EIF2B3: variants seen among roughly 807,000 people sequenced by gnomAD.
The protein encoded by EIF2B3 is eukaryotic translation initiation factor 2B subunit gamma, also known as translation initiation factor eIF2B subunit gamma.
Under a neutral mutation model 54.1 loss-of-function variants are expected in EIF2B3, and 20 were observed. That is an observed-to-expected ratio of 0.37 (90% CI 0.26 to 0.54). EIF2B3 has a LOEUF of 0.54. Ranked by LOEUF, EIF2B3 falls within the 20% of genes least tolerant of loss-of-function variation. The probability of loss-of-function intolerance (pLI) is 0.86; values close to 1 mark genes in which losing one functional copy is unlikely to be tolerated. For missense variants in EIF2B3, 448 were observed against 547.8 expected, an observed-to-expected ratio of 0.82 and a Z score of 1.82; for synonymous variants, 153 against 188.1, an observed-to-expected ratio of 0.81 and a Z score of 1.52.
chr1:44,897,528 G>T, intron 5 of EIF2B3, 84 bp from the exon 6 acceptor site: 2 of 1,123,510 alleles, frequency 1.8e-6, no homozygotes, highest in Non-Finnish European at 2.6e-6. Context: ...CAGGTAGTAG[G>T]CACTGGTAAG....
chr1:44,892,719 C>T (rs1337483480), intron 6 of EIF2B3, among the ~76,000 whole-genome samples: 1 of 152,196 alleles, frequency 6.6e-6, no homozygotes, highest in African/African-American at 2.4e-5. Flanking sequence ...TCAAAGGAGA[C>T]TACCTTGATT....
chr1:44,912,178 C>T (rs1434442747), intron 5 of EIF2B3, among the ~76,000 whole-genome samples: 3 of 152,118 alleles, frequency 2.0e-5, no homozygotes, highest in Non-Finnish European at 4.4e-5. Context: ...ATGTCTAGGG[C>T]TGCTATCTCT....
intron 10 of EIF2B3, among the ~76,000 whole-genome samples, chr1:44,860,502 A>G (rs1573681674): frequency 1.3e-5 from 2 of 152,172 alleles, no homozygotes; most frequent in Middle Eastern, 3.2e-3. Context: ...CTGATGCACT[A>G]AAAAAGAGCA....
At chr1:44,981,597 G>T (rs904093463) in intron 1 of EIF2B3, among the ~76,000 whole-genome samples, 4 of 152,340 alleles carry the variant, frequency 2.6e-5, no homozygotes, top group African/African-American at 9.6e-5. Flanking sequence ...CTCTGAAGAA[G>T]TAAGAGTTTA....
chr1:44,938,533 G>A (rs1472107481), intron 4 of EIF2B3, among the ~76,000 whole-genome samples: 2 of 151,548 alleles, frequency 1.3e-5, no homozygotes, highest in African/African-American at 2.4e-5. Context: ...AGACTCTGGA[G>A]TGCAGTGGCA....
In EIF2B3 at chr1:44,958,883, C is replaced by A. The variant is rs116582791; in HGVS notation, c.295-17218G>T. 7 of 836,004 alleles carry A rather than the reference C, an allele frequency of 8.4e-6. No homozygotes were observed. The Admixed American group carries it at 1.1e-4, about 13-fold the overall frequency. 51.8% of individuals were successfully genotyped at this position (836,004 alleles called of 1,614,324 possible). A position where few individuals can be genotyped will look rare whatever the true frequency, so the allele number is the denominator to read the frequency against. ...ATCAGGAACATCTCTATCAAGAACA[C>A]AATTTCATCAAGGCTGAGGGCCATC... On this transcript the variant is annotated intron_variant, in intron 3 of 11. Transcript: ENST00000360403.
chr1:44,972,651 C>CACAA, intron 3 of EIF2B3: 1 of 152,208 alleles, frequency 6.6e-6, no homozygotes, highest in Non-Finnish European at 1.5e-5. Flanking sequence ...CACACACACA[C>CACAA]ACACACTGAT....
intron 3 of EIF2B3, among the ~76,000 whole-genome samples, chr1:44,974,743 T>C (rs1644436121): frequency 6.6e-6 from 1 of 152,136 alleles, no homozygotes; most frequent in Admixed American, 6.5e-5. Context: ...GCAGGCAATA[T>C]GATGATAAGG....
At chr1:44,957,276 C>G (rs1644236240) in intron 3 of EIF2B3, among the ~76,000 whole-genome samples, 1 of 152,056 alleles carries the variant, frequency 6.6e-6, no homozygotes, top group Admixed American at 6.6e-5. Flanking sequence ...TTTCTATGCC[C>G]CCAAACACCA....
chr1:44,913,109 T>TAAA lies in EIF2B3; in HGVS notation c.566+13516_566+13518dup, dbSNP rs552977811. Among the ~76,000 whole-genome samples the TAAA allele has an allele frequency of 8.4e-3, 866 of 103,208 alleles. 5 individuals are homozygous for TAAA. Among genetic ancestry groups the TAAA allele is most frequent in the African/African-American group, 0.012 (346 of 28,740 alleles). 67.7% of individuals were successfully genotyped at this position (103,208 alleles called of 152,430 possible). On this transcript the variant is annotated intron_variant, in intron 5 of 11. Transcript: ENST00000360403. The stretch of plus-strand genomic sequence containing the variant: ...GTGCAAAAGCAATTGCGGTTTTTGT[T>TAAA]AAAAAAAAAAAAAAAAAAAAAAAAA...
chr1:44,854,790 T>A (rs985250079), intron 11 of EIF2B3, among the ~76,000 whole-genome samples: 2 of 151,916 alleles, frequency 1.3e-5, no homozygotes, highest in Non-Finnish European at 2.9e-5. Context: ...GGTTTCTCCA[T>A]GTTGGTCAGG....
intron 5 of EIF2B3, among the ~76,000 whole-genome samples, chr1:44,918,312 C>T (rs989398875): frequency 2.0e-5 from 3 of 151,008 alleles, no homozygotes; most frequent in South Asian, 4.2e-4. Context: ...AAACTTCTGA[C>T]CTCAAGTGAC....
chr1:44,865,333 T>C (rs947499798), intron 10 of EIF2B3, among the ~76,000 whole-genome samples: 6 of 152,220 alleles, frequency 3.9e-5, no homozygotes, highest in Non-Finnish European at 8.8e-5. Context: ...TTTGATGTCT[T>C]TTCTTTGGTT....
At chr1:44,902,782 C>T (rs567207503) in intron 5 of EIF2B3, among the ~76,000 whole-genome samples, 72 of 128,034 alleles carry the variant, frequency 5.6e-4, no homozygotes, top group African/African-American at 1.5e-3. Context: ...GAGCCATGAA[C>T]GTGCTACTGC....
chr1:44,901,641 C>T (rs564340401), intron 5 of EIF2B3, among the ~76,000 whole-genome samples: 1 of 151,208 alleles, frequency 6.6e-6, no homozygotes, highest in South Asian at 2.1e-4. Flanking sequence ...TCACTGCCCC[C>T]TCAACCTCCC....
At chr1:44,942,418 T>TACATACATATATATATATA (rs1553177413) in intron 3 of EIF2B3, among the ~76,000 whole-genome samples, 2 of 8,102 alleles carry the variant, frequency 2.5e-4, no homozygotes, top group African/African-American at 1.4e-3. Context: ...TATATATATA[T>TACATACATATATATATATA]TTTTTTTTTT....
intron 3 of EIF2B3, among the ~76,000 whole-genome samples, chr1:44,959,812 GAGA>G (rs1162638365): frequency 3.3e-5 from 5 of 152,196 alleles, no homozygotes; most frequent in African/African-American, 1.2e-4. Context: ...CATCCCTAGT[GAGA>G]AGGTCACAAT....
At chr1:44,948,912 G>A (rs1409125896) in intron 3 of EIF2B3, among the ~76,000 whole-genome samples, 2 of 151,838 alleles carry the variant, frequency 1.3e-5, no homozygotes, top group African/African-American at 2.4e-5. Context: ...CTATTGCCCA[G>A]GCTGGAGTAA....
At chr1:44,960,664 T>C (rs1251408310) in intron 3 of EIF2B3, among the ~76,000 whole-genome samples, 2 of 151,886 alleles carry the variant, frequency 1.3e-5, no homozygotes, top group Non-Finnish European at 2.9e-5. Flanking sequence ...AAACCAATAC[T>C]GGATAACAAC....
Sources: gnomAD v4.1 joint callset for allele counts (sites outside exome capture counted in the v4.1 genomes callset) on GRCh38, gnomAD v4.1.1 for gene constraint, MANE v1.5 for transcripts, NCBI Gene and HGNC (gene_info 2026-07-23, HGNC 2026-07-21) for gene names.